FRMD6: variants seen among roughly 807,000 people sequenced by gnomAD.
FRMD6 encodes the protein FERM domain containing 6.
A neutral mutation model predicts 73.2 loss-of-function variants in FRMD6; 37 were observed. The observed-to-expected ratio is 0.51, with a 90% confidence interval of 0.39 to 0.66. The LOEUF (loss-of-function observed/expected upper bound fraction) is 0.66. Among genes scored for constraint, FRMD6 ranks in the 30% least tolerant of loss-of-function variants. FRMD6 has a pLI of 0.00. For missense variants in FRMD6, 714 were observed against 780.5 expected (o/e 0.91, Z 1.02); for synonymous variants, 273 against 282.2 (o/e 0.97, Z 0.33).
intron 1 of FRMD6, among the ~76,000 whole-genome samples, chr14:51,515,030 C>T (rs1160701970): frequency 6.6e-6 from 1 of 152,216 alleles, no homozygotes; most frequent in Non-Finnish European, 1.5e-5. Flanking sequence ...TCTTGTTCAA[C>T]CATGATGGTG....
At chr14:51,453,106 G>C in the FRMD6 span, among the ~76,000 whole-genome samples, 93 of 152,016 alleles carry the variant, frequency 6.1e-4, no homozygotes, top group African/African-American at 2.1e-3. Context: ...AATTTAAGAT[G>C]AGTGAGAACT....
At chr14:51,613,400 A>G (rs1034832902) in intron 2 of FRMD6, among the ~76,000 whole-genome samples, 26 of 152,204 alleles carry the variant, frequency 1.7e-4, no homozygotes. Context: ...ATGGAGCAGT[A>G]TCGGGGTAAG....
chr14:51,450,112 A>G, the FRMD6 span, among the ~76,000 whole-genome samples: 9 of 152,240 alleles, frequency 5.9e-5, no homozygotes, highest in Non-Finnish European at 1.0e-4. Flanking sequence ...CAATATACTT[A>G]TAAAATTGAA....
chr14:51,615,996 T>C (rs917265585), intron 2 of FRMD6, among the ~76,000 whole-genome samples: 1 of 152,140 alleles, frequency 6.6e-6, no homozygotes, highest in Non-Finnish European at 1.5e-5. Context: ...AGGAAAGATC[T>C]AGTTGAAAGG....
intron 1 of FRMD6, among the ~76,000 whole-genome samples, chr14:51,492,899 T>G (rs1883098748): frequency 6.6e-6 from 1 of 152,142 alleles, no homozygotes; most frequent in South Asian, 2.1e-4. Context: ...TCAAGTTGTT[T>G]CCCTTATTCC....
chr14:51,412,813 C>A, the FRMD6 span, among the ~76,000 whole-genome samples: 2 of 151,802 alleles, frequency 1.3e-5, no homozygotes, highest in African/African-American at 4.8e-5. Flanking sequence ...GATCGCACCA[C>A]TGCACTCCAG....
At chr14:51,549,186 A>C (rs112535313) in intron 1 of FRMD6, among the ~76,000 whole-genome samples, 253 of 152,240 alleles carry the variant, frequency 1.7e-3, no homozygotes, top group African/African-American at 5.8e-3. Flanking sequence ...AAGGTGGATG[A>C]ATGGATAGGT....
chr14:51,516,100 G>C (rs1287970226), intron 1 of FRMD6, among the ~76,000 whole-genome samples: 1 of 152,092 alleles, frequency 6.6e-6, no homozygotes, highest in African/African-American at 2.4e-5. Flanking sequence ...GTGCTTACAT[G>C]GTGTATGGGG....
chr14:51,495,530 T>TTCCTCAGAA (rs1883245381), intron 1 of FRMD6, among the ~76,000 whole-genome samples: 1 of 152,210 alleles, frequency 6.6e-6, no homozygotes, highest in Non-Finnish European at 1.5e-5. Flanking sequence ...CAGCAACAAA[T>TTCCTCAGAA]ACAAGCATTG....
intron 1 of FRMD6, among the ~76,000 whole-genome samples, chr14:51,671,305 A>C (rs1408933786): frequency 6.6e-6 from 1 of 152,194 alleles, no homozygotes; most frequent in Non-Finnish European, 1.5e-5. Flanking sequence ...AAGCTTGTGT[A>C]GAATTGATAT....
At chr14:51,538,589 T>C (rs1178189594) in intron 1 of FRMD6, among the ~76,000 whole-genome samples, 3 of 152,204 alleles carry the variant, frequency 2.0e-5, no homozygotes, top group Non-Finnish European at 4.4e-5. Context: ...TGTGAGATAT[T>C]GGTGTAACAT....
intron 1 of FRMD6, among the ~76,000 whole-genome samples, chr14:51,539,839 T>C (rs1231347463): frequency 6.6e-6 from 1 of 152,044 alleles, no homozygotes; most frequent in Non-Finnish European, 1.5e-5. Flanking sequence ...CTTATGAGGG[T>C]GGGGGGAGTA....
chr14:51,469,142 G>A, the FRMD6 span, among the ~76,000 whole-genome samples: 6 of 151,524 alleles, frequency 4.0e-5, no homozygotes, highest in East Asian at 9.8e-4. Context: ...GGGTTTCACC[G>A]TGTTAGCCAG....
rs1885201564 is a variant in FRMD6 at position 51,525,493 on chromosome 14, T to TGCTGACGTTGTGATCC, written c.-210+36079_-210+36080insGTTGTGATCCGCTGAC. 2.0e-5 allele frequency among the ~76,000 whole-genome samples: 3 copies of TGCTGACGTTGTGATCC among 152,162 alleles called. 1 individual carries two copies. The South Asian group carries it at 6.2e-4, about 32-fold the overall frequency. ...CATGTTGGCCAGGCTGGTCTTGATC[T>TGCTGACGTTGTGATCC]GCTGACCTTGTGATCCGCTGACCTT... is the stretch of plus-strand genomic sequence containing the variant. On this transcript the variant is annotated intron_variant, in intron 1 of 14. Transcript: ENST00000356218.
chr14:51,728,357 A>G lies in FRMD6; in HGVS notation c.*328A>G, dbSNP rs1203198266. 1 of 219,180 alleles carries G rather than the reference A, an allele frequency of 4.6e-6. No individual in the cohort carries two copies. Among genetic ancestry groups the G allele is most frequent in the Non-Finnish European group, 8.9e-6 (1 of 112,354 alleles). The allele number at this position is 219,180 out of a possible 1,614,324, so 13.6% of individuals were successfully genotyped here. On this transcript the variant is annotated 3_prime_UTR_variant, in exon 14 of 14. Coordinates refer to ENST00000344768, the MANE Select transcript of FRMD6 (RefSeq NM_001267046.2). ...TCATCTGATGCTTTTTAGTTCAGTT[A>G]CATGTAACATCACATTTTTTTATCA...
At chr14:51,500,458 C>T (rs1018133207) in intron 1 of FRMD6, among the ~76,000 whole-genome samples, 3 of 151,916 alleles carry the variant, frequency 2.0e-5, no homozygotes, top group Non-Finnish European at 4.4e-5. Context: ...ACCCTGGAAG[C>T]GGAGGTGGCA....
intron 2 of FRMD6, among the ~76,000 whole-genome samples, chr14:51,612,092 A>G (rs17588609): frequency 0.31 from 46,953 of 152,144 alleles, 7,627 homozygotes; most frequent in South Asian, 0.43. Context: ...AACACCAATT[A>G]TTTTCATAAC....
chr14:51,605,160 T>C (rs1205225502), intron 2 of FRMD6, among the ~76,000 whole-genome samples: 1 of 113,156 alleles, frequency 8.8e-6, no homozygotes, highest in Non-Finnish European at 1.9e-5. Context: ...TTTTTTTTTA[T>C]TGATCATTCT....
At chr14:51,554,549 G>A (rs577658427) in intron 1 of FRMD6, 1 of 152,290 alleles carries the variant, frequency 6.6e-6, no homozygotes, top group South Asian at 2.1e-4. Flanking sequence ...GATATGATGT[G>A]ATGAAAATGG....
Sources: allele counts gnomAD v4.1 joint callset (sites outside exome capture counted in the v4.1 genomes callset), GRCh38; gene constraint gnomAD v4.1.1; transcripts MANE v1.5; gene names NCBI Gene and HGNC (gene_info 2026-07-23, HGNC 2026-07-21).